The following TFDP2 variants were observed in gnomAD, a reference collection of about 807,000 sequenced individuals.
TFDP2 encodes transcription factor Dp-2.
A neutral mutation model predicts 59.3 loss-of-function variants in TFDP2; 17 were observed. The ratio of observed to expected loss-of-function variants is 0.29; its 90% confidence interval spans 0.20 to 0.43. TFDP2 has a LOEUF of 0.43. TFDP2 is among the 20% of genes least tolerant of loss of function. The pLI is 1.00. For synonymous variants in TFDP2, 180 were observed against 194.7 expected (o/e 0.92, Z 0.63); for missense variants, 391 against 528.8 (o/e 0.74, Z 2.56).
chr3:142,105,127 T>G (rs916680216), intron 1 of TFDP2, among the ~76,000 whole-genome samples: 3 of 152,174 alleles, frequency 2.0e-5, no homozygotes, highest in African/African-American at 7.2e-5. Flanking sequence ...ACAAAAAAGT[T>G]CAATTTTAAC....
At chr3:142,109,776 G>C (rs1465909035) in intron 1 of TFDP2, among the ~76,000 whole-genome samples, 1 of 152,042 alleles carries the variant, frequency 6.6e-6, no homozygotes, top group Non-Finnish European at 1.5e-5. Flanking sequence ...TAGTACGCAA[G>C]AATTTTTCTA....
In TFDP2 at chr3:141,945,822, G is replaced by C. The variant is rs1935182662; in HGVS notation, c.*6691C>G. ...GAGTTTTTAAATCCAAACGTGATCT[G>C]GGGAATTTTCCGTTATGATTCGACA... On this transcript the variant is annotated 3_prime_UTR_variant, in exon 13 of 13. Transcript: ENST00000489671. The C allele has an allele frequency of 6.6e-6, 1 of 152,236 alleles. No homozygotes were observed. The highest frequency in any genetic ancestry group is 1.5e-5 in the Non-Finnish European group (1 of 68,050). The allele number at this position is 152,236 out of a possible 1,614,324, so 9.4% of individuals were successfully genotyped here.
chr3:141,961,082 T>C (rs1404132985), intron 10 of TFDP2, among the ~76,000 whole-genome samples: 1 of 152,164 alleles, frequency 6.6e-6, no homozygotes, highest in Non-Finnish European at 1.5e-5. Context: ...GATTTTCCCA[T>C]CATTCTTTTT....
At chr3:142,106,033 C>T (rs1230567705) in intron 1 of TFDP2, among the ~76,000 whole-genome samples, 2 of 151,832 alleles carry the variant, frequency 1.3e-5, no homozygotes, top group East Asian at 3.9e-4. Context: ...ATAAATAATA[C>T]ATAATTCCCA....
chr3:142,139,254 T>C lies in TFDP2; in HGVS notation c.-93+9929A>G, dbSNP rs190425987. ...ACCATCCCTTTATTTTGAGCCCATGTGTGTCTCTGCATGTGAGATGGGTCT... is the reference window on the plus strand; with the variant it reads ...ACCATCCCTTTATTTTGAGCCCATGCGTGTCTCTGCATGTGAGATGGGTCT... On this transcript the variant is annotated intron_variant, in intron 1 of 12. Transcript: ENST00000489671. Among the ~76,000 whole-genome samples, 50 of 152,304 alleles carry C rather than the reference T, an allele frequency of 3.3e-4. No individual in the cohort carries two copies. The East Asian group carries it at 7.5e-3, about 23-fold the overall frequency.
chr3:142,065,977 T>A (rs975142068), intron 3 of TFDP2, among the ~76,000 whole-genome samples: 6 of 152,154 alleles, frequency 3.9e-5, no homozygotes, highest in Non-Finnish European at 7.3e-5. Flanking sequence ...ACATATAAGC[T>A]ACTGAATTTT....
intron 6 of TFDP2, among the ~76,000 whole-genome samples, chr3:141,990,398 C>T (rs1942632979): frequency 6.6e-6 from 1 of 152,032 alleles, no homozygotes; most frequent in African/African-American, 2.4e-5. Flanking sequence ...CCTCAGCCTC[C>T]TGAGTAGCTG....
chr3:142,115,520 G>A (rs1229749909), intron 1 of TFDP2, among the ~76,000 whole-genome samples: 4 of 151,976 alleles, frequency 2.6e-5, no homozygotes, highest in African/African-American at 4.8e-5. Context: ...GGGTTTCACC[G>A]TGTTAGCCAG....
intron 3 of TFDP2, among the ~76,000 whole-genome samples, chr3:142,009,807 A>G (rs2108288601): frequency 6.6e-6 from 1 of 152,208 alleles, no homozygotes; most frequent in South Asian, 2.1e-4. Context: ...AATTTTGTAC[A>G]TGATAAAGGT....
chr3:142,062,772 TA>T (rs964317267), intron 3 of TFDP2, among the ~76,000 whole-genome samples: 2 of 152,084 alleles, frequency 1.3e-5, no homozygotes, highest in African/African-American at 4.8e-5. Flanking sequence ...TTAAAGTGAA[TA>T]ATGGTTTATT....
intron 2 of TFDP2, among the ~76,000 whole-genome samples, chr3:142,100,263 T>C (rs950724218): frequency 6.6e-6 from 1 of 152,244 alleles, no homozygotes; most frequent in African/African-American, 2.4e-5. Context: ...TTGCTTCTCC[T>C]GGTCACAACT....
At chr3:142,107,451 C>G (rs2061511920) in intron 1 of TFDP2, among the ~76,000 whole-genome samples, 2 of 151,988 alleles carry the variant, frequency 1.3e-5, no homozygotes, top group Non-Finnish European at 2.9e-5. Context: ...CCACGCTGGT[C>G]TTGAACTCCT....
In TFDP2 at chr3:141,949,075, CAAAAAAAAAAAAAA is replaced by C. The variant is rs3058539; in HGVS notation, c.*3424_*3437del. The C allele has an allele frequency of 5.9e-5, 5 of 85,464 alleles. No individual in the cohort carries two copies. Among genetic ancestry groups the C allele is most frequent in the African/African-American group, 2.3e-4 (5 of 21,508 alleles). The allele number at this position is 85,464 out of a possible 1,614,324, so 5.3% of individuals were successfully genotyped here. A position where few individuals can be genotyped will look rare whatever the true frequency, so the allele number is the denominator to read the frequency against. The stretch of plus-strand genomic sequence containing the variant: ...TGGGCAACAGAGCGAGACTCAGTCT[CAAAAAAAAAAAAAA>C]AAAAAAAAAAAATTTCCATTTGAAT... On this transcript the variant is annotated 3_prime_UTR_variant, in exon 13 of 13. Transcript: ENST00000489671.
chr3:142,000,116 G>A (rs11706402), intron 4 of TFDP2: 38,390 of 478,946 alleles, frequency 0.08, 1,843 homozygotes, highest in Non-Finnish European at 0.1. Context: ...ATAAATGGCT[G>A]TAACTGGGTG....
rs575359166 is a variant in TFDP2 at position 141,985,481 on chromosome 3, C to T, written c.357-6799G>A. 9.2e-4 allele frequency among the ~76,000 whole-genome samples: 126 copies of T among 136,856 alleles called. 2 individuals are homozygous for T. In the South Asian group the frequency reaches 0.029, roughly 31 times the overall value. The allele number at this position is 136,856 out of a possible 152,430, so 89.8% of individuals were successfully genotyped here. ...GCTGTAGTGAGCCATGACTGCGCCACTGCACTCCAGCCTGGGAGACAGAGC... is the reference window on the plus strand; with the variant it reads ...GCTGTAGTGAGCCATGACTGCGCCATTGCACTCCAGCCTGGGAGACAGAGC... On this transcript the variant is annotated intron_variant, in intron 6 of 12. Coordinates refer to ENST00000489671, the MANE Select transcript of TFDP2 (RefSeq NM_001178139.2).
chr3:141,968,380 TCTC>T (rs1938545353), intron 9 of TFDP2, among the ~76,000 whole-genome samples: 2 of 108,872 alleles, frequency 1.8e-5, no homozygotes, highest in Non-Finnish European at 3.8e-5. Context: ...ATAACATATA[TCTC>T]ATATATATAA....
At chr3:142,038,727 T>C (rs546033390) in intron 3 of TFDP2, among the ~76,000 whole-genome samples, 2 of 151,696 alleles carry the variant, frequency 1.3e-5, no homozygotes, top group African/African-American at 2.4e-5. Flanking sequence ...CTTTCTATGA[T>C]ACATATTTTT....
intron 1 of TFDP2, among the ~76,000 whole-genome samples, chr3:142,142,223 T>C (rs1420883538): frequency 2.0e-5 from 3 of 152,114 alleles, no homozygotes; most frequent in Non-Finnish European, 4.4e-5. Flanking sequence ...AAGAAAAGTA[T>C]TATTAATAGA....
intron 1 of TFDP2, among the ~76,000 whole-genome samples, chr3:142,129,237 CA>C (rs1332949804): frequency 2.6e-5 from 4 of 151,292 alleles, no homozygotes; most frequent in Non-Finnish European, 5.9e-5. Context: ...AAAGGAATAA[CA>C]AGAAAATGTC....
Sources: gnomAD v4.1 joint callset for allele counts (sites outside exome capture counted in the v4.1 genomes callset) on GRCh38, gnomAD v4.1.1 for gene constraint, MANE v1.5 for transcripts, NCBI Gene and HGNC (gene_info 2026-07-23, HGNC 2026-07-21) for gene names.